Variants in GRM7 observed in about 807,000 individuals in gnomAD.
GRM7 encodes metabotropic glutamate receptor 7.
GRM7 carries 35 observed loss-of-function variants against 84.5 expected under a neutral mutation model. The ratio of observed to expected loss-of-function variants is 0.41; its 90% CI spans 0.32 to 0.55. GRM7 has a LOEUF of 0.55. Ranked by LOEUF, GRM7 falls within the 20% of genes least tolerant of loss-of-function variation. The pLI is 0.19. For synonymous variants in GRM7, 487 were observed against 455.1 expected (o/e 1.07, Z -0.89); for missense variants, 1,003 against 1,194.6 (o/e 0.84, Z 2.36).
intron 7 of GRM7, among the ~76,000 whole-genome samples, chr3:7,554,116 C>A (rs1693635313): frequency 2.0e-5 from 3 of 152,072 alleles, no homozygotes; most frequent in African/African-American, 7.2e-5. Flanking sequence ...GTTGCTAGAT[C>A]CAGAAACATA....
intron 1 of GRM7, among the ~76,000 whole-genome samples, chr3:6,990,368 T>C (rs1299813287): frequency 6.6e-6 from 1 of 152,164 alleles, no homozygotes; most frequent in Non-Finnish European, 1.5e-5. Flanking sequence ...AGTTAGAAAA[T>C]GGTATTTTTT....
chr3:7,005,213 A>T (rs1695142539), intron 1 of GRM7, among the ~76,000 whole-genome samples: 1 of 152,170 alleles, frequency 6.6e-6, no homozygotes, highest in Admixed American at 6.5e-5. Context: ...CCTACTCAGT[A>T]GTTCCTCTCA....
intron 1 of GRM7, among the ~76,000 whole-genome samples, chr3:7,072,803 T>C (rs1413854479): frequency 6.6e-6 from 1 of 152,200 alleles, no homozygotes; most frequent in East Asian, 1.9e-4. Context: ...CAAAAGGATA[T>C]TGATAGAAAG....
At chr3:7,371,673 T>C (rs1694141457) in intron 4 of GRM7, among the ~76,000 whole-genome samples, 1 of 152,204 alleles carries the variant, frequency 6.6e-6, no homozygotes, top group African/African-American at 2.4e-5. Flanking sequence ...TCTGTTTCTG[T>C]CTCTCTGACA....
At chr3:7,369,113 G>A (rs1195312537) in intron 4 of GRM7, among the ~76,000 whole-genome samples, 1 of 151,970 alleles carries the variant, frequency 6.6e-6, no homozygotes, top group Non-Finnish European at 1.5e-5. Context: ...GGAGTATGGT[G>A]GCACGATCAT....
intron 2 of GRM7, among the ~76,000 whole-genome samples, chr3:7,175,112 T>A (rs1695103512): frequency 1.3e-5 from 2 of 152,232 alleles, no homozygotes; most frequent in Non-Finnish European, 2.9e-5. Context: ...TGTGTTTTAC[T>A]TGGTTCTAAA....
chr3:7,456,834 C>T (rs766416071), intron 6 of GRM7, among the ~76,000 whole-genome samples: 5 of 151,980 alleles, frequency 3.3e-5, no homozygotes, highest in Non-Finnish European at 5.9e-5. Context: ...TGACAGTGCT[C>T]AAAAGTTTTG....
intron 1 of GRM7, among the ~76,000 whole-genome samples, chr3:7,137,502 C>T (rs2125059296): frequency 6.6e-6 from 1 of 152,130 alleles, no homozygotes; most frequent in Non-Finnish European, 1.5e-5. Flanking sequence ...TGCTCTCAAA[C>T]CTTGATTACT....
chr3:7,208,657 T>C (rs774294526), intron 2 of GRM7, among the ~76,000 whole-genome samples: 2 of 152,166 alleles, frequency 1.3e-5, no homozygotes, highest in Non-Finnish European at 2.9e-5. Flanking sequence ...TGTTGGGTCC[T>C]GTGGGGGTTC....
chr3:7,624,215 T>TA (rs2125090691), intron 8 of GRM7, among the ~76,000 whole-genome samples: 1 of 152,212 alleles, frequency 6.6e-6, no homozygotes, highest in African/African-American at 2.4e-5. Flanking sequence ...GACTTATGAA[T>TA]AAAAATAAAC....
At chr3:7,498,100 T>C (rs1044562292) in intron 7 of GRM7, among the ~76,000 whole-genome samples, 10 of 152,326 alleles carry the variant, frequency 6.6e-5, no homozygotes, top group African/African-American at 1.9e-4. Flanking sequence ...TTCAAGTATA[T>C]ACAAAAATAG....
intron 1 of GRM7, among the ~76,000 whole-genome samples, chr3:7,094,329 G>A (rs1244782206): frequency 6.6e-6 from 1 of 152,164 alleles, no homozygotes; most frequent in Non-Finnish European, 1.5e-5. Flanking sequence ...ATGAGTTCAT[G>A]CATTCCAGGA....
At chr3:7,516,476 C>CAAAAAAAAAAAAAAAAA (rs34508559) in intron 7 of GRM7, among the ~76,000 whole-genome samples, 37 of 42,468 alleles carry the variant, frequency 8.7e-4, no homozygotes, top group Non-Finnish European at 9.4e-4. Context: ...GACTCCCTCT[C>CAAAAAAAAAAAAAAAAA]AAAAAAAAAA....
At chr3:7,201,004 CTG>C (rs1232717989) in intron 2 of GRM7, among the ~76,000 whole-genome samples, 1 of 133,520 alleles carries the variant, frequency 7.5e-6, no homozygotes, top group Non-Finnish European at 1.6e-5. Flanking sequence ...CAGTCTCACT[CTG>C]TCGCCCAGGC....
chr3:7,015,142 C>T (rs979673466), intron 1 of GRM7, among the ~76,000 whole-genome samples: 1 of 152,046 alleles, frequency 6.6e-6, no homozygotes, highest in Non-Finnish European at 1.5e-5. Context: ...CCCACCCCCC[C>T]ATAAGCCAGC....
intron 1 of GRM7, among the ~76,000 whole-genome samples, chr3:7,049,704 C>G (rs975201423): frequency 6.6e-6 from 1 of 151,766 alleles, no homozygotes; most frequent in African/African-American, 2.4e-5. Context: ...GCAAAAGAAG[C>G]CCAACATAGG....
intron 7 of GRM7, among the ~76,000 whole-genome samples, chr3:7,549,121 A>G (rs1372153779): frequency 6.6e-6 from 1 of 152,234 alleles, no homozygotes; most frequent in African/African-American, 2.4e-5. Context: ...GCTAACTATT[A>G]GAATTTTACA....
chr3:7,566,744 G>C (rs1411448354), intron 7 of GRM7, among the ~76,000 whole-genome samples: 3 of 147,324 alleles, frequency 2.0e-5, no homozygotes, highest in African/African-American at 7.6e-5. Flanking sequence ...AGGCATAGAG[G>C]TTGTTAAAAA....
At chr3:7,308,516 A>T (rs1700276393) in intron 4 of GRM7, among the ~76,000 whole-genome samples, 1 of 152,206 alleles carries the variant, frequency 6.6e-6, no homozygotes, top group Non-Finnish European at 1.5e-5. Context: ...GGAATCGCAG[A>T]TCATATAAGG....
Sources: gnomAD v4.1 joint callset for allele counts (sites outside exome capture counted in the v4.1 genomes callset) on GRCh38, gnomAD v4.1.1 for gene constraint, MANE v1.5 for transcripts, NCBI Gene and HGNC (gene_info 2026-07-23, HGNC 2026-07-21) for gene names.